Variants in FER observed in about 807,000 individuals in gnomAD.
FER encodes the protein FER tyrosine kinase.
In FER, 63 loss-of-function variants were observed where a neutral mutation model predicts 111.0. The ratio of observed to expected loss-of-function variants is 0.57; its 90% CI spans 0.46 to 0.70. The LOEUF (loss-of-function observed/expected upper bound fraction) is 0.70, where lower values mean the gene tolerates loss of function less well. Ranked by LOEUF, FER falls within the 30% of genes least tolerant of loss-of-function variation. The probability of loss-of-function intolerance (pLI) is 0.00; values close to 1 mark genes in which losing one functional copy is unlikely to be tolerated. For synonymous variants in FER, 327 were observed against 313.9 expected (o/e 1.04, Z -0.44); for missense variants, 914 against 954.0 (o/e 0.96, Z 0.55).
rs558162972 is a variant in FER, at chr5:109,189,073, T to C, written c.*1498T>C. ...TACTGCCCCCTGGACATTCTTACCA[T>C]TAGCTGACAGGTATGCAAGCAGAGT... On this transcript the variant is annotated 3_prime_UTR_variant, in exon 20 of 20. Coordinates refer to ENST00000281092, the MANE Select transcript of FER (RefSeq NM_005246.4). 6.6e-6 allele frequency: 1 copy of C among 152,292 alleles called. No homozygotes were observed. The highest frequency in any genetic ancestry group is 1.5e-5 in the Non-Finnish European group (1 of 68,026). 9.4% of individuals were successfully genotyped at this position (152,292 alleles called of 1,614,324 possible). A position where few individuals can be genotyped will look rare whatever the true frequency, so the allele number is the denominator to read the frequency against.
intron 16 of FER, among the ~76,000 whole-genome samples, chr5:109,058,238 C>G (rs901899955): frequency 3.3e-5 from 5 of 152,060 alleles, no homozygotes; most frequent in Non-Finnish European, 7.4e-5. Flanking sequence ...AAACCCATAG[C>G]TAACATTATA....
chr5:109,133,033 G>A (rs533744292), intron 17 of FER, among the ~76,000 whole-genome samples: 3 of 152,266 alleles, frequency 2.0e-5, no homozygotes, highest in Non-Finnish European at 4.4e-5. Context: ...ACATGTATAA[G>A]TCATTGTAGA....
intron 16 of FER, among the ~76,000 whole-genome samples, chr5:109,059,838 A>G (rs1364304142): frequency 6.6e-6 from 1 of 151,456 alleles, no homozygotes. Context: ...GCATCTACAT[A>G]AGAGAAATAA....
chr5:109,066,970 G>A (rs114312902), intron 16 of FER, among the ~76,000 whole-genome samples: 2,218 of 152,260 alleles, frequency 0.015, 42 homozygotes, highest in African/African-American at 0.05. Context: ...ATCTGGAGGT[G>A]ACATTTGTGT....
intron 8 of FER, among the ~76,000 whole-genome samples, chr5:108,881,798 T>G (rs1765706867): frequency 6.6e-6 from 1 of 152,076 alleles, no homozygotes; most frequent in Admixed American, 6.6e-5. Flanking sequence ...GATCCCATCA[T>G]GAGGGCCCCA....
intron 13 of FER, among the ~76,000 whole-genome samples, chr5:108,973,774 G>A (rs1000627596): frequency 6.6e-6 from 1 of 152,088 alleles, no homozygotes; most frequent in African/African-American, 2.4e-5. Flanking sequence ...TGGCCTATAA[G>A]AGGTATGATT....
chr5:109,025,407 T>C (rs1269022550), intron 13 of FER, among the ~76,000 whole-genome samples: 1 of 152,148 alleles, frequency 6.6e-6, no homozygotes, highest in Non-Finnish European at 1.5e-5. Flanking sequence ...TCACTCATGA[T>C]TTGGCTCTCT....
At chr5:108,804,968 CTT>C (rs112888695) in intron 3 of FER, among the ~76,000 whole-genome samples, 1 of 140,694 alleles carries the variant, frequency 7.1e-6, no homozygotes. Flanking sequence ...ATTTAGTCTG[CTT>C]TTTTTTTTTA....
At chr5:109,000,802 TA>T in intron 13 of FER, among the ~76,000 whole-genome samples, 2 of 151,698 alleles carry the variant, frequency 1.3e-5, no homozygotes, top group Middle Eastern at 6.8e-3. Context: ...ATAGACACAA[TA>T]AAAAATGACA....
chr5:108,787,871 G>A (rs1428763835), intron 2 of FER, among the ~76,000 whole-genome samples: 1 of 152,224 alleles, frequency 6.6e-6, no homozygotes, highest in African/African-American at 2.4e-5. Context: ...CTGTCGCTCA[G>A]TGAAGCTCCT....
chr5:108,952,543 T>C (rs1757911165), intron 11 of FER, among the ~76,000 whole-genome samples: 1 of 137,774 alleles, frequency 7.3e-6, no homozygotes, highest in Non-Finnish European at 1.7e-5. Flanking sequence ...AACAGTGTTG[T>C]ATAGGGGATG....
At chr5:109,007,905 T>G (rs1240562532) in intron 13 of FER, among the ~76,000 whole-genome samples, 1 of 152,188 alleles carries the variant, frequency 6.6e-6, no homozygotes, top group Non-Finnish European at 1.5e-5. Flanking sequence ...GACTCCACAT[T>G]TTTACTAGCT....
chr5:109,185,907 A>G (rs1758805010), intron 18 of FER, among the ~76,000 whole-genome samples: 1 of 152,236 alleles, frequency 6.6e-6, no homozygotes, highest in African/African-American at 2.4e-5. Context: ...ACAAACCTAT[A>G]TAGCATGTTA....
intron 10 of FER, among the ~76,000 whole-genome samples, chr5:108,929,739 T>C (rs1754298318): frequency 6.6e-6 from 1 of 152,116 alleles, no homozygotes; most frequent in Non-Finnish European, 1.5e-5. Context: ...TCCAGAAATA[T>C]GACCTTGTCT....
At chr5:108,955,241 T>C (rs1407462347) in intron 12 of FER, among the ~76,000 whole-genome samples, 1 of 151,856 alleles carries the variant, frequency 6.6e-6, no homozygotes, top group Non-Finnish European at 1.5e-5. Flanking sequence ...ACAATGTGAT[T>C]ATTATAAATT....
chr5:109,154,146 A>G (rs1319485316), intron 17 of FER, among the ~76,000 whole-genome samples: 1 of 151,898 alleles, frequency 6.6e-6, no homozygotes, highest in Non-Finnish European at 1.5e-5. Flanking sequence ...GATAAGTCTC[A>G]TAATTGGAAC....
chr5:108,840,281 C>T (rs1434399687), intron 5 of FER, among the ~76,000 whole-genome samples: 1 of 152,144 alleles, frequency 6.6e-6, no homozygotes, highest in Non-Finnish European at 1.5e-5. Context: ...ATTCTGGTCT[C>T]CCCAGAATGT....
chr5:108,991,292 CAT>C (rs1433511620), intron 13 of FER, among the ~76,000 whole-genome samples: 1 of 151,702 alleles, frequency 6.6e-6, no homozygotes, highest in African/African-American at 2.4e-5. Flanking sequence ...TGAATTATAA[CAT>C]AGTTTAATTA....
Position 109,176,333 on chromosome 5 carries a change from A to G in FER, c.2049-4414A>G, listed in dbSNP as rs148800802. Reference sequence around the variant, plus strand: ...GAATGAAATCCCGTCATTTGCAGCAACATGGATGAGCCTGGAGTACATTAT... The same window carrying G: ...GAATGAAATCCCGTCATTTGCAGCAGCATGGATGAGCCTGGAGTACATTAT... On this transcript the variant is annotated intron_variant, in intron 17 of 19. Coordinates refer to ENST00000281092, the MANE Select transcript of FER (RefSeq NM_005246.4). Among the ~76,000 whole-genome samples, 9 of 152,350 alleles carry G rather than the reference A, an allele frequency of 5.9e-5. No homozygotes were observed. In the East Asian group the frequency reaches 1.7e-3, roughly 29 times the overall value.
Sources: gnomAD v4.1 joint callset for allele counts (sites outside exome capture counted in the v4.1 genomes callset) on GRCh38, gnomAD v4.1.1 for gene constraint, MANE v1.5 for transcripts, NCBI Gene and HGNC (gene_info 2026-07-23, HGNC 2026-07-21) for gene names.